The following CHLSN variants were observed in gnomAD, a reference collection of about 807,000 sequenced individuals.
CHLSN encodes cholesin.
the CHLSN span, chr7:1,028,609 G>A: frequency 1.0e-6 from 1 of 981,912 alleles, no homozygotes; most frequent in Non-Finnish European, 1.2e-6. Flanking sequence ...CCCCGCCCGC[G>A]CAGGGCCCCT....
chr7:1,105,012 CAGT>C, the CHLSN span, among the ~76,000 whole-genome samples: 4 of 152,172 alleles, frequency 2.6e-5, no homozygotes, highest in African/African-American at 9.7e-5. Flanking sequence ...GAGATAATCG[CAGT>C]AGAAGAGAGG....
At chr7:1,083,179 G>A in the CHLSN span, among the ~76,000 whole-genome samples, 1,365 of 152,378 alleles carry the variant, frequency 9.0e-3, 10 homozygotes, top group East Asian at 0.04. Flanking sequence ...AGCAACCACT[G>A]AGGGGGCCCT....
chr7:1,011,901 C>T, the CHLSN span, among the ~76,000 whole-genome samples: 3 of 152,248 alleles, frequency 2.0e-5, no homozygotes, highest in Admixed American at 2.0e-4. Context: ...GCCGCCCACA[C>T]ACACAGGCAG....
At chr7:1,109,985 C>T in the CHLSN span, among the ~76,000 whole-genome samples, 1 of 152,210 alleles carries the variant, frequency 6.6e-6, no homozygotes, top group Admixed American at 6.5e-5. Flanking sequence ...TCCAGGGCTA[C>T]AGTAATGAGC....
chr7:996,100 C>T, the CHLSN span, among the ~76,000 whole-genome samples: 5 of 152,326 alleles, frequency 3.3e-5, no homozygotes, highest in African/African-American at 7.2e-5. Flanking sequence ...TCACAGTAGA[C>T]GTCCGTGGGT....
the CHLSN span, chr7:985,195 T>C: frequency 1.3e-6 from 2 of 1,567,716 alleles, no homozygotes; most frequent in Non-Finnish European, 1.7e-6. Context: ...CCTACTGGGC[T>C]GGGCTCCCTC....
At chr7:1,020,939 C>A in the CHLSN span, among the ~76,000 whole-genome samples, 346 of 152,286 alleles carry the variant, frequency 2.3e-3, 3 homozygotes, top group African/African-American at 7.9e-3. Flanking sequence ...CCAGGTGGAG[C>A]CTTCAGATGG....
the CHLSN span, among the ~76,000 whole-genome samples, chr7:1,029,920 C>T: frequency 2.9e-3 from 440 of 152,330 alleles, 3 homozygotes; most frequent in African/African-American, 0.01. Context: ...CCTCCTGGAG[C>T]TGGTGGACAC....
At chr7:1,070,231 G>A in the CHLSN span, among the ~76,000 whole-genome samples, 1 of 141,820 alleles carries the variant, frequency 7.1e-6, no homozygotes, top group African/African-American at 2.6e-5. Flanking sequence ...TCTCCGCCCG[G>A]CAGCCACCCC....
At chr7:998,160 C>G in the CHLSN span, among the ~76,000 whole-genome samples, 2 of 152,174 alleles carry the variant, frequency 1.3e-5, no homozygotes, top group Non-Finnish European at 2.9e-5. Flanking sequence ...TACGCGCCGG[C>G]ACTTGGCACG....
the CHLSN span, among the ~76,000 whole-genome samples, chr7:1,077,152 T>C: frequency 6.6e-6 from 1 of 152,146 alleles, no homozygotes. Flanking sequence ...CAGGTCCTAT[T>C]TTTATTTATT....
the CHLSN span, among the ~76,000 whole-genome samples, chr7:1,001,682 C>T: frequency 1.2e-3 from 36 of 28,884 alleles, no homozygotes; most frequent in Admixed American, 2.4e-3. Context: ...TGGAGTCCTG[C>T]GGGTGGGGAG....
At chr7:1,034,896 A>G in the CHLSN span, among the ~76,000 whole-genome samples, 11 of 152,012 alleles carry the variant, frequency 7.2e-5, no homozygotes, top group Admixed American at 1.3e-4. Context: ...AACATGTGGT[A>G]TTTGGTTTTC....
chr7:1,043,310 A>C, the CHLSN span: 6 of 152,216 alleles, frequency 3.9e-5, no homozygotes, highest in Admixed American at 2.0e-4. Flanking sequence ...CTCTAATGTG[A>C]GGCTGCGCCT....
chr7:1,012,108 C>G, the CHLSN span, among the ~76,000 whole-genome samples: 1 of 152,264 alleles, frequency 6.6e-6, no homozygotes, highest in African/African-American at 2.4e-5. Flanking sequence ...TAAAAACCCT[C>G]CTGGCACAGG....
the CHLSN span, among the ~76,000 whole-genome samples, chr7:1,002,400 TGGAGTCCTGCCGGTGG>T: frequency 1.2e-5 from 1 of 84,002 alleles, no homozygotes; most frequent in Admixed American, 1.3e-4. Flanking sequence ...TGTGGGTGAG[TGGAGTCCTGCCGGTGG>T]GGAGTCCTGT....
the CHLSN span, chr7:983,235 C>A: frequency 6.5e-7 from 1 of 1,527,708 alleles, no homozygotes; most frequent in Admixed American, 2.0e-5. Flanking sequence ...TCTTGCTGTT[C>A]CTGGGCCTCC....
At chr7:1,056,694 C>T in the CHLSN span, 4 of 152,262 alleles carry the variant, frequency 2.6e-5, no homozygotes, top group African/African-American at 9.7e-5. Context: ...CAGCCGGCCT[C>T]CTCACTGCTC....
At chr7:1,097,889 C>A in the CHLSN span, among the ~76,000 whole-genome samples, 4 of 152,148 alleles carry the variant, frequency 2.6e-5, no homozygotes, top group Admixed American at 2.0e-4. The surrounding 1 kb of genome is among the most constrained non-coding windows in gnomAD (Gnocchi z 4.3). Flanking sequence ...GACGGGGAAC[C>A]AGGATGCATC....
Sources: gnomAD v4.1 joint callset for allele counts (sites outside exome capture counted in the v4.1 genomes callset) on GRCh38, gnomAD v4.1.1 for gene constraint, Gnocchi (gnomAD v3.1) non-coding constraint, MANE v1.5 for transcripts, NCBI Gene and HGNC (gene_info 2026-07-23, HGNC 2026-07-21) for gene names.